VWA8: variants seen among roughly 807,000 people sequenced by gnomAD.
The protein encoded by VWA8 is von Willebrand factor A domain-containing protein 8.
Under a neutral mutation model 241.5 loss-of-function variants are expected in VWA8, and 221 were observed. The observed-to-expected ratio is 0.91, with a 90% confidence interval of 0.82 to 1.02. VWA8 has a LOEUF of 1.02. Ranked by LOEUF, VWA8 falls within the 50% of genes least tolerant of loss-of-function variation. The pLI is 0.00. For synonymous variants in VWA8, 852 were observed against 827.1 expected, an observed-to-expected ratio of 1.03 and a Z score of -0.52; for missense variants, 2,322 against 2,328.7, an observed-to-expected ratio of 1.00 and a Z score of 0.06.
At chr13:41,627,114 C>T (rs930020564) in intron 37 of VWA8, among the ~76,000 whole-genome samples, 14 of 152,074 alleles carry the variant, frequency 9.2e-5, no homozygotes, top group Admixed American at 5.9e-4. Context: ...GGCAAAGAGA[C>T]ACTTCTCAAA....
chr13:41,938,761 C>A (rs905888323), intron 2 of VWA8, among the ~76,000 whole-genome samples: 1 of 143,050 alleles, frequency 7.0e-6, no homozygotes, highest in African/African-American at 2.5e-5. Context: ...GGCAGCCCTG[C>A]ATCTTTGATT....
At chr13:41,609,871 CCT>C (rs1364972056) in intron 39 of VWA8, among the ~76,000 whole-genome samples, 1 of 152,186 alleles carries the variant, frequency 6.6e-6, no homozygotes, top group African/African-American at 2.4e-5. Context: ...TTCCCCATGT[CCT>C]CTCTTTCCTC....
chr13:41,954,070 G>C (rs1219945955), intron 1 of VWA8, among the ~76,000 whole-genome samples: 2 of 152,130 alleles, frequency 1.3e-5, no homozygotes, highest in Non-Finnish European at 2.9e-5. Flanking sequence ...TATGGACCAG[G>C]CATCTGCCAT....
intron 26 of VWA8, among the ~76,000 whole-genome samples, chr13:41,714,231 G>A (rs2045335257): frequency 1.3e-5 from 2 of 151,780 alleles, no homozygotes; most frequent in Admixed American, 1.3e-4. Context: ...TTGACTGATA[G>A]AAATGGATGT....
chr13:41,661,553 T>C (rs1235348750), intron 37 of VWA8, among the ~76,000 whole-genome samples: 1 of 152,196 alleles, frequency 6.6e-6, no homozygotes, highest in Middle Eastern at 3.2e-3. Context: ...CCTGGAACAT[T>C]TTCTTACTCC....
At chr13:41,685,328 C>T in intron 34 of VWA8, 86 bp from the exon 35 acceptor site, 3 of 1,254,084 alleles carry the variant, frequency 2.4e-6, no homozygotes, top group Non-Finnish European at 3.3e-6. Context: ...TAAGCAGATA[C>T]TAGTGGGAAA....
chr13:41,827,121 G>T (rs528240066), intron 14 of VWA8, among the ~76,000 whole-genome samples: 1 of 152,076 alleles, frequency 6.6e-6, no homozygotes, highest in Non-Finnish European at 1.5e-5. Context: ...CTCTTCATAT[G>T]TAAGTAATTA....
chr13:41,900,020 T>C (rs934376667), intron 4 of VWA8, among the ~76,000 whole-genome samples: 1 of 152,208 alleles, frequency 6.6e-6, no homozygotes, highest in African/African-American at 2.4e-5. Flanking sequence ...GGCATACTGG[T>C]ACAAAACTGG....
At chr13:41,947,868 G>T (rs1242796587) in intron 2 of VWA8, among the ~76,000 whole-genome samples, 1 of 143,484 alleles carries the variant, frequency 7.0e-6, no homozygotes, top group African/African-American at 2.5e-5. Flanking sequence ...GGAGGGGGAG[G>T]TTGCAGTGAG....
At chr13:41,871,089 G>A (rs1446220045) in intron 9 of VWA8, among the ~76,000 whole-genome samples, 4 of 151,966 alleles carry the variant, frequency 2.6e-5, no homozygotes, top group African/African-American at 9.7e-5. Context: ...CAACCCTTCA[G>A]CAAATCATAA....
chr13:41,874,253 C>T (rs1310726041), intron 9 of VWA8, among the ~76,000 whole-genome samples: 2 of 149,994 alleles, frequency 1.3e-5, no homozygotes, highest in Admixed American at 1.3e-4. Context: ...AAACTGGAAG[C>T]ATTCCCTTTG....
chr13:41,868,411 T>A lies in VWA8; in HGVS notation c.1147A>T (p.Met383Leu). Residue 383 changes from methionine to leucine, a missense_variant, in exon 10 of 45, where the codon ATG becomes TTG. Transcript: ENST00000379310. ...PKEIVKVEKM[M>L]ENHVSQASVT... ...GAAGCTTGGGACACATGGTTTTCCA[T>A]CATCTTCTCTACTTTTACAATCTCT... 2.5e-6 allele frequency: 4 copies of A among 1,614,098 alleles called. No individual in the cohort carries two copies. Among genetic ancestry groups the A allele is most frequent in the Non-Finnish European group, 3.4e-6 (4 of 1,179,988 alleles).
intron 17 of VWA8, among the ~76,000 whole-genome samples, chr13:41,799,914 A>G (rs1348074677): frequency 6.6e-6 from 1 of 152,100 alleles, no homozygotes; most frequent in African/African-American, 2.4e-5. Flanking sequence ...GATCCCCCGT[A>G]CCCACTAGCA....
At chr13:41,637,570 A>T (rs1252028886) in intron 37 of VWA8, among the ~76,000 whole-genome samples, 1 of 151,730 alleles carries the variant, frequency 6.6e-6, no homozygotes, top group Non-Finnish European at 1.5e-5. Flanking sequence ...TAATAAAAAA[A>T]AGAAATAAAA....
At position 41,936,168 on chromosome 13, in the gene VWA8, C is replaced by T. The variant is rs189964892; in HGVS notation, c.241+13768G>A. Among the ~76,000 whole-genome samples, 301 of 152,208 alleles carry T rather than the reference C, an allele frequency of 2.0e-3. 3 individuals carry two copies. The highest frequency in any genetic ancestry group is 7.0e-3 in the African/African-American group (290 of 41,542). On this transcript the variant is annotated intron_variant, in intron 2 of 44. Coordinates refer to ENST00000379310, the MANE Select transcript of VWA8 (RefSeq NM_015058.2). ...TTTCTCCCAGCAATGTATGAAAATG[C>T]CATTTCCCTGAAACTATATAGGTAT... is the stretch of plus-strand genomic sequence containing the variant.
At chr13:41,717,709 C>A (rs2045356507) in intron 26 of VWA8, among the ~76,000 whole-genome samples, 1 of 151,996 alleles carries the variant, frequency 6.6e-6, no homozygotes, top group African/African-American at 2.4e-5. Context: ...TTTTGAGCAG[C>A]CTAAGTTATT....
chr13:41,787,447 C>T lies in VWA8; in HGVS notation c.2160G>A (p.Lys720=). The change falls in exon 18 of 45, where the codon AAG becomes AAA. Residue 720 remains lysine (K), a synonymous_variant. Coordinates refer to ENST00000379310, the MANE Select transcript of VWA8 (RefSeq NM_015058.2). ...NTDDNLEPEL[K]DYKCEVTSGT... ...AAATCAAATACTTACATTTGTAATC[C>T]TTCAGTTCTGGCTCCAAATTGTCAT... 1 of 1,608,922 alleles carries T rather than the reference C, an allele frequency of 6.2e-7. No individual in the cohort carries two copies. Among genetic ancestry groups the T allele is most frequent in the Non-Finnish European group, 8.5e-7 (1 of 1,176,672 alleles).
Position 41,719,713 on chromosome 13 carries a change from T to C in VWA8, c.2994A>G (p.Val998=). 1.2e-6 allele frequency: 2 copies of C among 1,611,240 alleles called. No homozygotes were observed. The highest frequency in any genetic ancestry group is 1.7e-6 in the Non-Finnish European group (2 of 1,178,944). ...QKFPTEGLSS[V]VRNVFDFDSY... ...AATCAAAGTCAAACACATTTCGAAC[T>C]ACACTGGAGAGACCTTCAGTCGGAA... is the stretch of plus-strand genomic sequence containing the variant. The change falls in exon 26 of 45, where the codon GTA becomes GTG. Residue 998 remains valine, a synonymous_variant. Coordinates refer to ENST00000379310, the MANE Select transcript of VWA8 (RefSeq NM_015058.2).
intron 3 of VWA8, among the ~76,000 whole-genome samples, chr13:41,908,135 T>C (rs1875811758): frequency 6.6e-6 from 1 of 152,190 alleles, no homozygotes; most frequent in Non-Finnish European, 1.5e-5. Context: ...GTATACAGTA[T>C]GTTAGGTACT....
Sources: gnomAD v4.1 joint callset for allele counts (sites outside exome capture counted in the v4.1 genomes callset) on GRCh38, gnomAD v4.1.1 for gene constraint, MANE v1.5 for transcripts, NCBI Gene and HGNC (gene_info 2026-07-23, HGNC 2026-07-21) for gene names.